Variants in DLG2 observed in about 807,000 individuals in gnomAD.
The protein encoded by DLG2 is disks large homolog 2.
Under a neutral mutation model 132.5 loss-of-function variants are expected in DLG2, and 45 were observed. That is an observed-to-expected ratio of 0.34 (90% confidence interval 0.27 to 0.44). The LOEUF (loss-of-function observed/expected upper bound fraction) is 0.44, where lower values mean the gene tolerates loss of function less well. Ranked by LOEUF, DLG2 falls within the 20% of genes least tolerant of loss-of-function variation. The pLI, the probability that DLG2 is intolerant of heterozygous loss-of-function variation, is 1.00. For synonymous variants in DLG2, 424 were observed against 419.6 expected (o/e 1.01, Z -0.13); for missense variants, 1,045 against 1,196.9 (o/e 0.87, Z 1.87).
At chr11:84,593,301 C>T (rs1421993183) in intron 6 of DLG2, among the ~76,000 whole-genome samples, 1 of 152,014 alleles carries the variant, frequency 6.6e-6, no homozygotes, top group Non-Finnish European at 1.5e-5. Context: ...TGGATATATA[C>T]CCAAAGGATT....
rs971016058 is a variant in DLG2 at position 84,582,678 on chromosome 11, T to A, written c.358-47947A>T. On this transcript the variant is annotated intron_variant, in intron 6 of 27. Transcript: ENST00000376104. ...GTATATATTAACATCTATAGCTCTA[T>A]CTATATGTCTATCAATGAATCACAG... Among the ~76,000 whole-genome samples, 3 of 152,128 alleles carry A rather than the reference T, an allele frequency of 2.0e-5. No homozygotes were observed. The Middle Eastern group carries it at 0.01, about 517-fold the overall frequency.
intron 7 of DLG2, among the ~76,000 whole-genome samples, chr11:84,488,246 T>C (rs1287442050): frequency 2.0e-5 from 3 of 152,078 alleles, no homozygotes; most frequent in Non-Finnish European, 4.4e-5. Flanking sequence ...ATCATACCAA[T>C]AGACGTGGAA....
intron 3 of DLG2, among the ~76,000 whole-genome samples, chr11:85,556,592 T>G (rs1399077908): frequency 6.6e-6 from 1 of 151,966 alleles, no homozygotes; most frequent in African/African-American, 2.4e-5. Flanking sequence ...AATAGAGGTT[T>G]GTCTTACTTT....
intron 7 of DLG2, among the ~76,000 whole-genome samples, chr11:84,434,301 T>C (rs1288342605): frequency 6.6e-6 from 1 of 152,182 alleles, no homozygotes; most frequent in Non-Finnish European, 1.5e-5. Context: ...TTTGATTCTG[T>C]AAACATTATC....
At chr11:84,927,241 A>T (rs1428393943) in intron 6 of DLG2, among the ~76,000 whole-genome samples, 1 of 152,066 alleles carries the variant, frequency 6.6e-6, no homozygotes, top group African/African-American at 2.4e-5. Context: ...ATTGCTAGAC[A>T]TCTTTTTCCT....
rs752855635 is a variant in DLG2, at chr11:84,451,494, G to A, written c.519+83076C>T. ...CCACATTCATGTAAAAAATGAAAGC[G>A]TTCATGATATGCTAAGTTTTAGATA... is the stretch of plus-strand genomic sequence containing the variant. On this transcript the variant is annotated intron_variant, in intron 7 of 27. Coordinates refer to ENST00000376104, the MANE Select transcript of DLG2 (RefSeq NM_001142699.3). Among the ~76,000 whole-genome samples the A allele has an allele frequency of 2.0e-5, 3 of 151,782 alleles. 1 individual carries two copies. Among genetic ancestry groups the A allele is most frequent in the South Asian group, 4.1e-4 (2 of 4,828 alleles).
intron 8 of DLG2, among the ~76,000 whole-genome samples, chr11:84,199,297 C>A (rs191867147): frequency 3.2e-4 from 49 of 152,252 alleles, no homozygotes; most frequent in African/African-American, 1.2e-3. Context: ...GAGGCTCAAT[C>A]ACACACTCAC....
At chr11:83,990,086 A>G (rs1254419765) in intron 11 of DLG2, among the ~76,000 whole-genome samples, 3 of 152,176 alleles carry the variant, frequency 2.0e-5, no homozygotes, top group Non-Finnish European at 4.4e-5. Context: ...GAATAAGACT[A>G]AACATTACTG....
At chr11:84,825,985 C>A (rs527960242) in intron 6 of DLG2, among the ~76,000 whole-genome samples, 3 of 151,938 alleles carry the variant, frequency 2.0e-5, no homozygotes, top group South Asian at 2.1e-4. Context: ...ATAACATACA[C>A]CCTCAGTGTT....
intron 10 of DLG2, among the ~76,000 whole-genome samples, chr11:84,062,439 T>G (rs2096605943): frequency 6.6e-6 from 1 of 152,204 alleles, no homozygotes; most frequent in Admixed American, 6.5e-5. Flanking sequence ...ACCATAGATC[T>G]GAAAGTTCTT....
intron 5 of DLG2, among the ~76,000 whole-genome samples, chr11:85,152,567 G>A (rs1208797999): frequency 6.6e-6 from 1 of 151,706 alleles, no homozygotes; most frequent in East Asian, 1.9e-4. Flanking sequence ...CAAAGTGCAT[G>A]GGCTACCGCA....
At chr11:84,155,277 A>T (rs1474430163) in intron 9 of DLG2, among the ~76,000 whole-genome samples, 1 of 152,122 alleles carries the variant, frequency 6.6e-6, no homozygotes, top group African/African-American at 2.4e-5. Context: ...TAGGGCCAGG[A>T]ACTGGCCCTG....
At chr11:84,772,038 T>A (rs1393120766) in intron 6 of DLG2, among the ~76,000 whole-genome samples, 1 of 152,004 alleles carries the variant, frequency 6.6e-6, no homozygotes, top group Non-Finnish European at 1.5e-5. Context: ...ATGACCCCCA[T>A]AGGCTCAATC....
chr11:85,162,957 T>C (rs183793012), intron 4 of DLG2, among the ~76,000 whole-genome samples: 1 of 152,248 alleles, frequency 6.6e-6, no homozygotes, highest in Admixed American at 6.5e-5. Context: ...CCACCCTTAA[T>C]CTGGATAGGC....
rs1042586095 is a variant in DLG2, at chr11:85,267,645, T to TA, written c.186+17574dup. 3.2e-3 allele frequency among the ~76,000 whole-genome samples: 481 copies of TA among 149,464 alleles called. 3 individuals are homozygous for TA. The highest frequency in any genetic ancestry group is 0.011 in the African/African-American group (461 of 40,862). ...CTGAAACCATGTGGAATCAGTTATT[T>TA]AAAAAAAAAAGAAAACAAGTTTTCC... On this transcript the variant is annotated intron_variant, in intron 4 of 27. Coordinates refer to ENST00000376104, the MANE Select transcript of DLG2 (RefSeq NM_001142699.3).
At position 83,709,372 on chromosome 11, in the gene DLG2, T is replaced by C. The variant is rs370965843; in HGVS notation, c.1826-76047A>G. ...TAATATATATACACACACACACACA[T>C]ATATATATAACTTTAGTTTTTTCAA... On this transcript the variant is annotated intron_variant, in intron 18 of 27. Coordinates refer to ENST00000376104, the MANE Select transcript of DLG2 (RefSeq NM_001142699.3). Among the ~76,000 whole-genome samples, 139 of 148,662 alleles carry C rather than the reference T, an allele frequency of 9.4e-4. 3 individuals carry two copies. The South Asian group carries it at 0.025, about 26-fold the overall frequency.
At chr11:85,223,554 A>G (rs913335679) in intron 4 of DLG2, among the ~76,000 whole-genome samples, 1 of 152,066 alleles carries the variant, frequency 6.6e-6, no homozygotes, top group African/African-American at 2.4e-5. Flanking sequence ...TGGGAGGATC[A>G]CTTAAGCCTG....
chr11:83,585,839 A>G (rs1465108954), intron 19 of DLG2, among the ~76,000 whole-genome samples: 3 of 151,964 alleles, frequency 2.0e-5, no homozygotes, highest in African/African-American at 7.3e-5. Flanking sequence ...CTGAAAATAC[A>G]CGAGAACAAG....
At chr11:85,234,370 C>T (rs1280805049) in intron 4 of DLG2, among the ~76,000 whole-genome samples, 1 of 151,958 alleles carries the variant, frequency 6.6e-6, no homozygotes, top group African/African-American at 2.4e-5. Context: ...GGAAAGATGC[C>T]ATTATACAGC....
Sources: gnomAD v4.1 joint callset for allele counts (sites outside exome capture counted in the v4.1 genomes callset) on GRCh38, gnomAD v4.1.1 for gene constraint, MANE v1.5 for transcripts, NCBI Gene and HGNC (gene_info 2026-07-23, HGNC 2026-07-21) for gene names.